Variants in RAB27B observed in about 807,000 individuals in gnomAD.
The protein encoded by RAB27B is RAB27B, member RAS oncogene family.
A neutral mutation model predicts 24.6 loss-of-function variants in RAB27B; 15 were observed. The ratio of observed to expected loss-of-function variants is 0.61; its 90% CI spans 0.41 to 0.94. RAB27B has a LOEUF of 0.94. RAB27B is among the 40% of genes least tolerant of loss of function. The pLI, the probability that RAB27B is intolerant of heterozygous loss-of-function variation, is 0.00. For synonymous variants in RAB27B, 105 were observed against 92.5 expected, an observed-to-expected ratio of 1.14 and a Z score of -0.78; for missense variants, 261 against 266.8, an observed-to-expected ratio of 0.98 and a Z score of 0.15.
At chr18:54,729,082 T>C (rs1909647980) in intron 2 of RAB27B, among the ~76,000 whole-genome samples, 1 of 151,880 alleles carries the variant, frequency 6.6e-6, no homozygotes, top group Non-Finnish European at 1.5e-5. Flanking sequence ...CATTGCCTGA[T>C]GGACTTTTTC....
At chr18:54,811,708 T>C (rs1485863062) in intron 2 of RAB27B, among the ~76,000 whole-genome samples, 1 of 152,204 alleles carries the variant, frequency 6.6e-6, no homozygotes, top group Non-Finnish European at 1.5e-5. Flanking sequence ...TCAATGGAAC[T>C]GTGTTTTAGG....
In RAB27B at chr18:54,829,254, T is replaced by C. The variant is rs572246760; in HGVS notation, c.-20+554T>C. Among the ~76,000 whole-genome samples the C allele has an allele frequency of 2.5e-4, 38 of 152,364 alleles. 1 individual carries two copies. The highest frequency in any genetic ancestry group is 9.1e-4 in the African/African-American group (38 of 41,584). On this transcript the variant is annotated intron_variant, in intron 1 of 5. Transcript: ENST00000262094. Reference sequence around the variant, plus strand: ...AGTGTTGCACCAACTAGGGTATATGTGTGCATGTGTGTTCACCCAACTGAT... The same window carrying C: ...AGTGTTGCACCAACTAGGGTATATGCGTGCATGTGTGTTCACCCAACTGAT...
intron 1 of RAB27B, among the ~76,000 whole-genome samples, chr18:54,868,930 C>G (rs138827194): frequency 9.2e-5 from 14 of 152,318 alleles, no homozygotes; most frequent in African/African-American, 2.2e-4. Flanking sequence ...AGCCCATAAA[C>G]ACAAGCCCTT....
intron 1 of RAB27B, among the ~76,000 whole-genome samples, chr18:54,849,486 G>C (rs1911469255): frequency 6.6e-6 from 1 of 152,170 alleles, no homozygotes; most frequent in Non-Finnish European, 1.5e-5. Context: ...GGGAGGCCGA[G>C]GGAGCGTGGA....
At chr18:54,844,408 C>CTTTTTTTTTTTTTTT (rs148747981) in intron 1 of RAB27B, among the ~76,000 whole-genome samples, 6 of 107,876 alleles carry the variant, frequency 5.6e-5, no homozygotes, top group Non-Finnish European at 7.7e-5. Context: ...CTTTTCTTTT[C>CTTTTTTTTTTTTTTT]TTTTTTTTTT....
intron 2 of RAB27B, among the ~76,000 whole-genome samples, chr18:54,742,459 G>T (rs139520902): frequency 9.0e-4 from 137 of 152,112 alleles, no homozygotes; most frequent in Admixed American, 3.1e-3. Flanking sequence ...GGAAGTTGGG[G>T]TCAGTCATAC....
At chr18:54,831,425 A>G (rs185538191) in intron 1 of RAB27B, among the ~76,000 whole-genome samples, 1 of 152,336 alleles carries the variant, frequency 6.6e-6, no homozygotes, top group African/African-American at 2.4e-5. Context: ...GAAGGTCCTA[A>G]TGAACATGTT....
intron 1 of RAB27B, among the ~76,000 whole-genome samples, chr18:54,865,672 C>T (rs73487402): frequency 0.036 from 5,515 of 152,238 alleles, 344 homozygotes; most frequent in African/African-American, 0.13. Context: ...AGTTAGCATC[C>T]ACACGTCTTC....
intron 2 of RAB27B, among the ~76,000 whole-genome samples, chr18:54,769,945 G>T (rs1297352623): frequency 1.3e-5 from 2 of 152,112 alleles, no homozygotes; most frequent in African/African-American, 4.8e-5. Flanking sequence ...TTGGCTCAAT[G>T]CAACCTCAGC....
chr18:54,829,462 G>A (rs939742390), intron 1 of RAB27B, among the ~76,000 whole-genome samples: 7 of 152,184 alleles, frequency 4.6e-5, no homozygotes, highest in Admixed American at 2.0e-4. Flanking sequence ...AAAGCTAAGG[G>A]TATGTAATTC....
At chr18:54,871,707 G>A (rs145079189) in intron 1 of RAB27B, among the ~76,000 whole-genome samples, 12 of 152,038 alleles carry the variant, frequency 7.9e-5, no homozygotes, top group East Asian at 3.9e-4. Flanking sequence ...AAAATTGGCC[G>A]GGCGTGGTGG....
intron 2 of RAB27B, among the ~76,000 whole-genome samples, chr18:54,750,640 T>C (rs375876938): frequency 6.6e-6 from 1 of 152,200 alleles, no homozygotes; most frequent in East Asian, 1.9e-4. Flanking sequence ...AAGGAATTCA[T>C]TCATTTTTTG....
intron 2 of RAB27B, among the ~76,000 whole-genome samples, chr18:54,757,054 A>G (rs1362499760): frequency 6.6e-6 from 1 of 152,210 alleles, no homozygotes; most frequent in African/African-American, 2.4e-5. Flanking sequence ...TCAGAGATCC[A>G]TTAGGCTCAA....
chr18:54,781,465 A>G (rs999304399), intron 2 of RAB27B, among the ~76,000 whole-genome samples: 5 of 151,970 alleles, frequency 3.3e-5, no homozygotes, highest in Admixed American at 3.3e-4. Flanking sequence ...TAACACTATA[A>G]ATCCTTTCTT....
intron 2 of RAB27B, among the ~76,000 whole-genome samples, chr18:54,746,184 TA>T (rs1910242397): frequency 6.6e-6 from 1 of 152,084 alleles, no homozygotes; most frequent in Non-Finnish European, 1.5e-5. Flanking sequence ...AAAAATGAAA[TA>T]GTCCACAACT....
At chr18:54,768,096 G>A (rs1020333402) in intron 2 of RAB27B, among the ~76,000 whole-genome samples, 3 of 152,142 alleles carry the variant, frequency 2.0e-5, no homozygotes, top group African/African-American at 7.2e-5. Flanking sequence ...AGATGTGGGG[G>A]GAGTGGATGG....
At chr18:54,823,907 G>T (rs1015156860), upstream of RAB27B, among the ~76,000 whole-genome samples, 4 of 152,124 alleles carry the variant, frequency 2.6e-5, no homozygotes, top group African/African-American at 9.7e-5. Context: ...TACAGTTCTT[G>T]TGGAACAGTG....
chr18:54,870,078 A>G, intron 1 of RAB27B, among the ~76,000 whole-genome samples: 1 of 152,186 alleles, frequency 6.6e-6, no homozygotes, highest in Non-Finnish European at 1.5e-5. Flanking sequence ...ACTATTTCAG[A>G]GCACAGAAAT....
At chr18:54,840,619 A>AAAT (rs3060039) in intron 1 of RAB27B, among the ~76,000 whole-genome samples, 145,705 of 152,046 alleles carry the variant, frequency 0.96, 70,167 homozygotes, top group East Asian at 1. Context: ...AGGGTTAAAT[A>AAAT]AATAAATATT....
Sources: gnomAD v4.1 joint callset for allele counts (sites outside exome capture counted in the v4.1 genomes callset) on GRCh38, gnomAD v4.1.1 for gene constraint, MANE v1.5 for transcripts, NCBI Gene and HGNC (gene_info 2026-07-23, HGNC 2026-07-21) for gene names.